The following ARHGEF1 variants were observed in gnomAD, a reference collection of about 807,000 sequenced individuals.
The protein encoded by ARHGEF1 is Rho guanine nucleotide exchange factor 1, also known as 115 kDa guanine nucleotide exchange factor.
In ARHGEF1, 40 loss-of-function variants were observed where a neutral mutation model predicts 119.7. That is an observed-to-expected ratio of 0.33 (90% CI 0.26 to 0.44). The LOEUF (loss-of-function observed/expected upper bound fraction) is 0.44. Among genes scored for constraint, ARHGEF1 ranks in the 20% least tolerant of loss-of-function variants. ARHGEF1 has a pLI of 1.00. For synonymous variants in ARHGEF1, 494 were observed against 521.0 expected (o/e 0.95, Z 0.71); for missense variants, 976 against 1,268.3 (o/e 0.77, Z 3.50).
At chr19:41,918,854 G>GACACACC (rs2074820297), upstream of ARHGEF1, among the ~76,000 whole-genome samples, 1 of 133,454 alleles carries the variant, frequency 7.5e-6, no homozygotes, top group Admixed American at 7.6e-5. Flanking sequence ...CTACCCATCA[G>GACACACC]ACACACCACA....
In ARHGEF1 at chr19:41,891,726, T is replaced by C. The variant is rs183373739; in HGVS notation, c.226-299T>C. On this transcript the variant is annotated intron_variant, in intron 4 of 28. Transcript: ENST00000354532. Reference sequence around the variant, plus strand: ...TGTCTGGTATACACTAAGCCGTCAGTATAGACAGTAGTAGTAGTTGTTGTC... The same window carrying C: ...TGTCTGGTATACACTAAGCCGTCAGCATAGACAGTAGTAGTAGTTGTTGTC... 2.6e-5 allele frequency among the ~76,000 whole-genome samples: 4 copies of C among 152,264 alleles called. No homozygotes were observed. In the East Asian group the frequency reaches 5.8e-4, roughly 22 times the overall value.
At chr19:41,887,120 CAG>C (rs1165233353) in intron 1 of ARHGEF1, among the ~76,000 whole-genome samples, 1 of 151,950 alleles carries the variant, frequency 6.6e-6, no homozygotes. Flanking sequence ...TGTGGGAGGA[CAG>C]AGGCACAGAG....
Position 41,905,914 on chromosome 19 carries a change from G to A in ARHGEF1, c.2405-25G>A, listed in dbSNP as rs782095388. On this transcript the variant is annotated intron_variant, in intron 25 of 28. Transcript: ENST00000354532. This position sits in a 1 kb window ranked among gnomAD's most constrained non-coding sequence, Gnocchi z 6.4. ...CCACAGGAGGCCCGGCAGGATCTGAGCTCCCTCTCTGTTCCCCAATCCAGC... is the reference window on the plus strand; with the variant it reads ...CCACAGGAGGCCCGGCAGGATCTGAACTCCCTCTCTGTTCCCCAATCCAGC... The A allele has an allele frequency of 6.2e-7, 1 of 1,613,926 alleles. No homozygotes were observed. The highest frequency in any genetic ancestry group is 8.5e-7 in the Non-Finnish European group (1 of 1,179,812).
rs1466978212 is a variant in ARHGEF1, at chr19:41,904,852, C to T, written c.2162-97C>T. Reference sequence around the variant, plus strand: ...AGTTGAGCCATGGGAGCCCTGAGAGCGCCACCACTGTGGGTGACTTCTCCA... The same window carrying T: ...AGTTGAGCCATGGGAGCCCTGAGAGTGCCACCACTGTGGGTGACTTCTCCA... On this transcript the variant is annotated intron_variant, in intron 22 of 28. Transcript: ENST00000354532. The surrounding 1 kb of genome is among the most constrained non-coding windows in gnomAD (Gnocchi z 8.4). The T allele has an allele frequency of 8.0e-6, 8 of 1,005,232 alleles. No individual in the cohort carries two copies. Among genetic ancestry groups the T allele is most frequent in the African/African-American group, 4.8e-5 (3 of 62,814 alleles). The allele number at this position is 1,005,232 out of a possible 1,614,324, so 62.3% of individuals were successfully genotyped here. A position where few individuals can be genotyped will look rare whatever the true frequency, so the allele number is the denominator to read the frequency against.
chr19:41,920,043 TCA>T (rs1276218286), upstream of ARHGEF1, among the ~76,000 whole-genome samples: 2 of 103,838 alleles, frequency 1.9e-5, no homozygotes, highest in Non-Finnish European at 3.7e-5. Context: ...CATGATACGC[TCA>T]CAGACATGAC....
chr19:41,926,130 T>C (rs1200812143), intron 1 of ARHGEF1, among the ~76,000 whole-genome samples: 2 of 151,408 alleles, frequency 1.3e-5, no homozygotes, highest in Non-Finnish European at 2.9e-5. Context: ...CAGTGTGACA[T>C]GAAATGAGAT....
In ARHGEF1 at chr19:41,906,482, T is replaced by A; in HGVS notation, c.2517T>A (p.Phe839Leu). 1 of 1,576,926 alleles carries A rather than the reference T, an allele frequency of 6.3e-7. No individual in the cohort carries two copies. Among genetic ancestry groups the A allele is most frequent in the Non-Finnish European group, 8.6e-7 (1 of 1,168,914 alleles). Reference sequence around the variant, plus strand: ...TGCTGTCCCTGAAGCAGCTTCTGTTTCCGGCGGAGGAAGACAATGGGGCGG... The same window carrying A: ...TGCTGTCCCTGAAGCAGCTTCTGTTACCGGCGGAGGAAGACAATGGGGCGG... ...RKVLSLKQLLFPAEEDNGAGP... is the reference protein window; with the variant it reads ...RKVLSLKQLLLPAEEDNGAGP... Residue 839 changes from phenylalanine to leucine, a missense_variant, in exon 27 of 29, where the codon TTT (phenylalanine) becomes TTA (leucine). Physicochemically the swap from Phe to Leu is conservative, Grantham distance 22 (BLOSUM62 0). Coordinates refer to ENST00000354532, the MANE Select transcript of ARHGEF1 (RefSeq NM_004706.4). The surrounding 1 kb of genome is among the most constrained non-coding windows in gnomAD (Gnocchi z 4.5).
At chr19:41,895,695 G>A (rs1355727123) in intron 12 of ARHGEF1, among the ~76,000 whole-genome samples, 1 of 152,058 alleles carries the variant, frequency 6.6e-6, no homozygotes, top group Non-Finnish European at 1.5e-5. Flanking sequence ...TTGCTCCCAG[G>A]CTCTGACCTC....
intron 13 of ARHGEF1, chr19:41,897,282 C>A: frequency 7.8e-7 from 1 of 1,280,540 alleles, no homozygotes; most frequent in Non-Finnish European, 1.0e-6. Flanking sequence ...TCCATCTGGG[C>A]CCACCTCTGA....
rs1488347085 is a variant in ARHGEF1, at chr19:41,903,543, G to C, written c.1839+136G>C. 1.4e-5 allele frequency: 15 copies of C among 1,103,258 alleles called. No homozygotes were observed. The highest frequency in any genetic ancestry group is 2.0e-5 in the Admixed American group (1 of 49,166). 68.3% of individuals were successfully genotyped at this position (1,103,258 alleles called of 1,614,324 possible). On this transcript the variant is annotated intron_variant, in intron 19 of 28. Coordinates refer to ENST00000354532, the MANE Select transcript of ARHGEF1 (RefSeq NM_004706.4). The surrounding 1 kb of genome is among the most constrained non-coding windows in gnomAD (Gnocchi z 4.2). ...CAAGGGTCACTGTGTCCAGGGGTTG[G>C]CTTGGCCCTCAGCATCTCCCTCTCA...
At chr19:41,912,231 T>C (rs1555851327), downstream of ARHGEF1, among the ~76,000 whole-genome samples, 1 of 152,090 alleles carries the variant, frequency 6.6e-6, no homozygotes, top group Non-Finnish European at 1.5e-5. Flanking sequence ...GTGTGACCCC[T>C]TCTAGAAACA....
chr19:41,894,854 G>C lies in ARHGEF1; in HGVS notation c.877+193G>C, dbSNP rs568445889. Among the ~76,000 whole-genome samples the C allele has an allele frequency of 2.2e-3, 290 of 132,334 alleles. 5 individuals carry two copies. The highest frequency in any genetic ancestry group is 8.5e-3 in the African/African-American group (255 of 29,924). The allele number at this position is 132,334 out of a possible 152,430, so 86.8% of individuals were successfully genotyped here. On this transcript the variant is annotated intron_variant, in intron 11 of 28. Coordinates refer to ENST00000354532, the MANE Select transcript of ARHGEF1 (RefSeq NM_004706.4). ...AGCTCCTGGGTCTGAGGGAGGAAGG[G>C]CTGGGCCTGGACCCCTGGGTCTGAG...
chr19:41,895,560 C>T (rs2074470418), intron 12 of ARHGEF1, 74 bp downstream of exon 12: 2 of 1,479,946 alleles, frequency 1.4e-6, no homozygotes, highest in Non-Finnish European at 9.0e-7. Context: ...CCCCTTGGCA[C>T]CCCCAGATAG....
At chr19:41,894,162 G>GTGTGTGTC (rs1359534695) in intron 8 of ARHGEF1, 45 bp from the exon 9 acceptor site, 8 of 1,143,232 alleles carry the variant, frequency 7.0e-6, no homozygotes, top group African/African-American at 1.6e-5. Context: ...GTGTGTGTGT[G>GTGTGTGTC]TGTGTCTTTG....
intron 18 of ARHGEF1, among the ~76,000 whole-genome samples, chr19:41,914,532 T>G: frequency 6.7e-6 from 1 of 149,080 alleles, no homozygotes; most frequent in Admixed American, 6.7e-5. Flanking sequence ...TCTCCCCATC[T>G]CTGCTATCCG....
At position 41,902,757 on chromosome 19, in the gene ARHGEF1, A is replaced by G; in HGVS notation, c.1624-27A>G. ...CTGGGGTGAGCCCAAAGCCTGGGCC[A>G]TCGCAACACCAGCATGTTTCCCGCA... is the stretch of plus-strand genomic sequence containing the variant. On this transcript the variant is annotated intron_variant, in intron 17 of 28. Transcript: ENST00000354532. The surrounding 1 kb of genome is among the most constrained non-coding windows in gnomAD (Gnocchi z 6.5). 2 of 1,613,270 alleles carry G rather than the reference A, an allele frequency of 1.2e-6. No homozygotes were observed. Among genetic ancestry groups the G allele is most frequent in the Non-Finnish European group, 8.5e-7 (1 of 1,179,850 alleles).
chr19:41,898,409 A>G (rs368466425), intron 13 of ARHGEF1, 33 bp from the exon 14 acceptor site: 36 of 1,548,900 alleles, frequency 2.3e-5, no homozygotes, highest in Non-Finnish European at 3.1e-5. Flanking sequence ...GGGATGGCCC[A>G]AGCTGGGGCC....
chr19:41,922,806 G>C (rs1350606784), upstream of ARHGEF1, among the ~76,000 whole-genome samples: 1 of 152,224 alleles, frequency 6.6e-6, no homozygotes, highest in Admixed American at 6.5e-5. Context: ...TGGGATGAGA[G>C]CAATAAATTA....
Position 41,902,471 on chromosome 19 carries a change from CTTTAGT to C in ARHGEF1, c.1498-61_1498-56del. On this transcript the variant is annotated intron_variant, in intron 16 of 28. Transcript: ENST00000354532. The surrounding 1 kb of genome is among the most constrained non-coding windows in gnomAD (Gnocchi z 6.5). ...GGGTCTGGGCTTCCAGCCTGTCGTA[CTTTAGT>C]CCCTGTTCTTGCCCATCCCCACTGA... 6.2e-7 allele frequency: 1 copy of C among 1,612,374 alleles called. No individual in the cohort carries two copies. The highest frequency in any genetic ancestry group is 8.5e-7 in the Non-Finnish European group (1 of 1,179,500).
Sources: gnomAD v4.1 joint callset for allele counts (sites outside exome capture counted in the v4.1 genomes callset) on GRCh38, gnomAD v4.1.1 for gene constraint, Gnocchi (gnomAD v3.1) non-coding constraint, MANE v1.5 for transcripts, NCBI Gene and HGNC (gene_info 2026-07-23, HGNC 2026-07-21) for gene names.